RABGAP1: variants seen among roughly 807,000 people sequenced by gnomAD.
RABGAP1 encodes rab GTPase-activating protein 1.
A neutral mutation model predicts 137.6 loss-of-function variants in RABGAP1; 23 were observed. That is an observed-to-expected ratio of 0.17 (90% confidence interval 0.12 to 0.24). RABGAP1 has a LOEUF of 0.24. RABGAP1 is among the 10% of genes least tolerant of loss of function. The probability of loss-of-function intolerance (pLI) is 1.00; values close to 1 mark genes in which losing one functional copy is unlikely to be tolerated. For missense variants in RABGAP1, 906 were observed against 1,275.8 expected (o/e 0.71, Z 4.42); for synonymous variants, 451 against 450.7 (o/e 1.00, Z -0.01).
At chr9:122,940,028 T>C (rs1833468550), upstream of RABGAP1, 1 of 152,172 alleles carries the variant, frequency 6.6e-6, no homozygotes, top group Non-Finnish European at 1.5e-5. Flanking sequence ...CCAGGTGCAG[T>C]GGTGCATGCC....
At chr9:123,059,484 G>C (rs1352983750) in intron 13 of RABGAP1, among the ~76,000 whole-genome samples, 3 of 152,186 alleles carry the variant, frequency 2.0e-5, no homozygotes, top group Admixed American at 2.0e-4. Flanking sequence ...GAACCCGGGA[G>C]GCGGAGGTTG....
At chr9:123,066,812 A>G (rs910338707) in intron 14 of RABGAP1, among the ~76,000 whole-genome samples, 1 of 152,248 alleles carries the variant, frequency 6.6e-6, no homozygotes. Flanking sequence ...GGGTTTAAAA[A>G]TACAGTTCAT....
intron 12 of RABGAP1, among the ~76,000 whole-genome samples, chr9:123,019,694 G>A (rs879343513): frequency 5.5e-4 from 82 of 148,012 alleles, no homozygotes; most frequent in Non-Finnish European, 1.0e-3. Flanking sequence ...TTTTTTGTTT[G>A]TTTGTTTGTT....
chr9:122,978,604 C>A (rs1835886569), intron 2 of RABGAP1, among the ~76,000 whole-genome samples: 1 of 152,158 alleles, frequency 6.6e-6, no homozygotes, highest in South Asian at 2.1e-4. Context: ...CACTCTCCTG[C>A]AGCTTGGTCA....
chr9:123,097,417 T>C (rs762300664), intron 21 of RABGAP1, among the ~76,000 whole-genome samples: 1 of 152,244 alleles, frequency 6.6e-6, no homozygotes, highest in Non-Finnish European at 1.5e-5. Flanking sequence ...TTTCTTGCCT[T>C]ATCCCTCAGA....
At chr9:123,036,554 T>A (rs908150322) in intron 13 of RABGAP1, among the ~76,000 whole-genome samples, 1 of 152,180 alleles carries the variant, frequency 6.6e-6, no homozygotes, top group Non-Finnish European at 1.5e-5. Context: ...TCTGAAATAT[T>A]AGAACATCAG....
chr9:122,992,256 C>A (rs138275217), intron 6 of RABGAP1, among the ~76,000 whole-genome samples: 5 of 152,098 alleles, frequency 3.3e-5, no homozygotes, highest in Admixed American at 6.5e-5. Context: ...CCAGGCTGGT[C>A]TCAAACTCCC....
chr9:122,985,255 A>G (rs571348383), intron 3 of RABGAP1, among the ~76,000 whole-genome samples: 7 of 152,232 alleles, frequency 4.6e-5, no homozygotes, highest in Non-Finnish European at 1.0e-4. Flanking sequence ...CAAAGGGATT[A>G]AGAGAACATA....
At chr9:123,089,295 G>T (rs1011102261) in intron 19 of RABGAP1, among the ~76,000 whole-genome samples, 1 of 152,148 alleles carries the variant, frequency 6.6e-6, no homozygotes, top group African/African-American at 2.4e-5. Context: ...GTCCCTTATT[G>T]TGTGACTTTG....
chr9:123,102,540 T>C (rs2035374602), intron 25 of RABGAP1, among the ~76,000 whole-genome samples: 1 of 152,176 alleles, frequency 6.6e-6, no homozygotes, highest in Non-Finnish European at 1.5e-5. Context: ...CAGCAGTAGC[T>C]GTGCTGTGAT....
At chr9:123,094,776 G>A (rs934537583) in intron 21 of RABGAP1, among the ~76,000 whole-genome samples, 3 of 152,044 alleles carry the variant, frequency 2.0e-5, no homozygotes, top group African/African-American at 7.2e-5. Context: ...TTTCTTTGCA[G>A]GAAATTAATT....
Position 122,968,027 on chromosome 9 carries a change from C to CT in RABGAP1, c.150+10824dup, listed in dbSNP as rs549823593. ...ACAGGTGTGAGCCACCATGCCCTGC[C>CT]TTTTTTCTTAATGTTTAATTTTTGT... On this transcript the variant is annotated intron_variant, in intron 2 of 25. Transcript: ENST00000373647. 1.8e-4 allele frequency among the ~76,000 whole-genome samples: 28 copies of CT among 151,918 alleles called. No individual in the cohort carries two copies. In the East Asian group the frequency reaches 4.8e-3, roughly 26 times the overall value.
intron 19 of RABGAP1, among the ~76,000 whole-genome samples, chr9:123,080,847 G>C (rs997586369): frequency 2.0e-5 from 3 of 152,104 alleles, no homozygotes; most frequent in Non-Finnish European, 4.4e-5. Context: ...ATTGTGGCTT[G>C]GTTTACTCAG....
chr9:123,026,185 G>A (rs1005313564), intron 13 of RABGAP1, among the ~76,000 whole-genome samples: 3 of 152,028 alleles, frequency 2.0e-5, no homozygotes, highest in East Asian at 1.9e-4. Context: ...TTAGCCGGCC[G>A]TGGTGGTGGG....
intron 13 of RABGAP1, among the ~76,000 whole-genome samples, chr9:123,047,325 T>TCA (rs2033249719): frequency 6.6e-6 from 1 of 152,140 alleles, no homozygotes; most frequent in African/African-American, 2.4e-5. Context: ...TGCTAGTGAG[T>TCA]TTGAAGGGTA....
intron 4 of RABGAP1, 72 bp downstream of exon 4, chr9:122,986,491 T>C (rs949964423): frequency 4.9e-6 from 7 of 1,441,982 alleles, no homozygotes; most frequent in African/African-American, 1.4e-5. Context: ...AAAGAAGCAA[T>C]AGTGAATAAA....
At chr9:123,057,418 C>T (rs984660507) in intron 13 of RABGAP1, among the ~76,000 whole-genome samples, 4 of 139,814 alleles carry the variant, frequency 2.9e-5, no homozygotes, top group Middle Eastern at 5.3e-3. Flanking sequence ...CCAGACGGGG[C>T]GGCAGGGCAG....
At chr9:123,067,178 T>C (rs1315932479) in intron 14 of RABGAP1, among the ~76,000 whole-genome samples, 3 of 152,208 alleles carry the variant, frequency 2.0e-5, no homozygotes, top group African/African-American at 7.2e-5. Flanking sequence ...TAGTCCTCCT[T>C]TTCTCCCATA....
At chr9:122,969,570 T>C (rs1028077847) in intron 2 of RABGAP1, among the ~76,000 whole-genome samples, 6 of 152,288 alleles carry the variant, frequency 3.9e-5, no homozygotes, top group Admixed American at 6.5e-5. Flanking sequence ...ACTGGAGATA[T>C]CTTGCGCAGT....
Sources: allele counts gnomAD v4.1 joint callset (sites outside exome capture counted in the v4.1 genomes callset), GRCh38; gene constraint gnomAD v4.1.1; transcripts MANE v1.5; gene names NCBI Gene and HGNC (gene_info 2026-07-23, HGNC 2026-07-21).